Variants in TBC1D8B observed in about 807,000 individuals in gnomAD.
The protein encoded by TBC1D8B is RP11-321G1.1.
TBC1D8B carries 75 observed loss-of-function variants against 82.9 expected under a neutral mutation model. The observed-to-expected ratio is 0.90, with a 90% CI of 0.75 to 1.10. The LOEUF (loss-of-function observed/expected upper bound fraction) is 1.10, where lower values mean the gene tolerates loss of function less well. Among genes scored for constraint, TBC1D8B ranks in the 50% least tolerant of loss-of-function variants. The pLI, the probability that TBC1D8B is intolerant of heterozygous loss-of-function variation, is 0.00. For missense variants in TBC1D8B, 794 were observed against 796.9 expected (o/e 1.00, Z 0.04); for synonymous variants, 276 against 276.8 (o/e 1.00, Z 0.03).
chrX:106,804,183 C>G (rs1931118211), intron 1 of TBC1D8B, among the ~76,000 whole-genome samples: 1 of 111,594 alleles, frequency 9.0e-6, no homozygotes, highest in Non-Finnish European at 1.9e-5. Context: ...TGCTTTTTCT[C>G]TCTTGGAAAA....
intron 1 of TBC1D8B, among the ~76,000 whole-genome samples, chrX:106,805,072 C>CT (rs11432144): frequency 0.51 from 26,742 of 52,752 alleles, 6,847 homozygotes; most frequent in East Asian, 0.77. Flanking sequence ...TGCAAGTTTC[C>CT]TTTTTTTTTT....
At chrX:106,812,629 C>T (rs1931412054) in intron 1 of TBC1D8B, among the ~76,000 whole-genome samples, 1 of 110,768 alleles carries the variant, frequency 9.0e-6, no homozygotes, top group East Asian at 2.8e-4. Flanking sequence ...TAATGAGTAT[C>T]ATTTTCAAGC....
intron 7 of TBC1D8B, among the ~76,000 whole-genome samples, chrX:106,832,382 G>A (rs1305843417): frequency 9.0e-6 from 1 of 111,114 alleles, no homozygotes; most frequent in Non-Finnish European, 1.9e-5. Context: ...CTAATAAACT[G>A]CTTGGAAAAA....
chrX:106,822,502 G>A (rs777846343), intron 4 of TBC1D8B, among the ~76,000 whole-genome samples: 2 of 110,662 alleles, frequency 1.8e-5, no homozygotes, highest in African/African-American at 3.3e-5. Context: ...TTTAGTCTGT[G>A]TTTTAATCTA....
chrX:106,808,295 T>G (rs371100406), intron 1 of TBC1D8B, among the ~76,000 whole-genome samples: 1 of 111,602 alleles, frequency 9.0e-6, no homozygotes. Context: ...CACAGCATTT[T>G]TTATGTGGGT....
rs767334216 is a variant in TBC1D8B at position 106,840,989 on chromosome X, G to T, written c.1719+105G>T. On this transcript the variant is annotated intron_variant, in intron 10 of 20. Coordinates refer to ENST00000357242, the MANE Select transcript of TBC1D8B (RefSeq NM_017752.3). ...GGCGATTATAAGGAAAGAGATGGGG[G>T]TGAGATAGATAGAGCATAGTATTAA... 1.3e-4 allele frequency: 86 copies of T among 657,117 alleles called. No individual in the cohort carries two copies. The African/African-American group carries it at 1.7e-3, about 13-fold the overall frequency. 54.2% of individuals were successfully genotyped at this position (657,117 alleles called of 1,213,427 possible).
intron 4 of TBC1D8B, among the ~76,000 whole-genome samples, chrX:106,822,557 C>T (rs190851575): frequency 9.0e-6 from 1 of 110,800 alleles, no homozygotes; most frequent in African/African-American, 3.3e-5. Flanking sequence ...TACCTAATGG[C>T]CCACATCTCA....
chrX:106,803,423 G>A (rs1351249699), intron 1 of TBC1D8B, among the ~76,000 whole-genome samples: 1 of 85,554 alleles, frequency 1.2e-5, no homozygotes, highest in East Asian at 3.9e-4. Context: ...GATGGAGTGG[G>A]TACGCGGGGA....
intron 11 of TBC1D8B, 160 bp from the exon 12 acceptor site, chrX:106,849,865 A>G: frequency 9.5e-7 from 1 of 1,053,837 alleles, no homozygotes; most frequent in Non-Finnish European, 1.2e-6. Context: ...ACATGACACT[A>G]CTAGCAGTTA....
Position 106,802,902 on chromosome X carries a change from T to A in TBC1D8B, c.49T>A (p.Trp17Arg). ...GCTTCTGAAAAATGCGCTGAAGCTGTGGCTGATGGAAAGGTCCAACGACTA... is the reference window on the plus strand; with the variant it reads ...GCTTCTGAAAAATGCGCTGAAGCTGAGGCTGATGGAAAGGTCCAACGACTA... ...EVLLKNALKLWLMERSNDYFV... is the reference protein window; with the variant it reads ...EVLLKNALKLRLMERSNDYFV... Residue 17 changes from tryptophan (W) to arginine (R), a missense_variant, in exon 1 of 21, where the codon TGG (tryptophan) becomes AGG (arginine). Trp to Arg is a moderately radical substitution (Grantham distance 101). Coordinates refer to ENST00000357242, the MANE Select transcript of TBC1D8B (RefSeq NM_017752.3). 1 of 1,211,236 alleles carries A rather than the reference T, an allele frequency of 8.3e-7. No homozygotes were observed. Among genetic ancestry groups the A allele is most frequent in the Non-Finnish European group, 1.1e-6 (1 of 895,282 alleles).
rs1858774218 is a variant in TBC1D8B, at chrX:106,874,661, G to GA, written c.*703dup. 9.0e-6 allele frequency: 1 copy of GA among 111,041 alleles called. No individual in the cohort carries two copies. The highest frequency in any genetic ancestry group is 1.9e-5 in the Non-Finnish European group (1 of 52,949). The allele number at this position is 111,041 out of a possible 1,213,427, so 9.2% of individuals were successfully genotyped here. A position where few individuals can be genotyped will look rare whatever the true frequency, so the allele number is the denominator to read the frequency against. Reference sequence around the variant, plus strand: ...ACTCTAAATTCTGGGCTGATATAAAGAAAAAAACAATATTGGATTTGGATT... The same window carrying GA: ...ACTCTAAATTCTGGGCTGATATAAAGAAAAAAAACAATATTGGATTTGGATT... On this transcript the variant is annotated 3_prime_UTR_variant, in exon 21 of 21. Transcript: ENST00000357242.
rs187090786 is a variant in TBC1D8B at position 106,848,800 on chromosome X, C to T, written c.1837+497C>T. 5.2e-3 allele frequency among the ~76,000 whole-genome samples: 574 copies of T among 110,260 alleles called. 2 individuals carry two copies. Among genetic ancestry groups the T allele is most frequent in the African/African-American group, 0.018 (542 of 30,322 alleles). On this transcript the variant is annotated intron_variant, in intron 11 of 20. Transcript: ENST00000357242. The stretch of plus-strand genomic sequence containing the variant: ...TTTATTTTATTTTATTTTATTGAGA[C>T]GGAGTCTTGCTCTGTCGCCCAGGCT...
rs140391999 is a variant in TBC1D8B, at chrX:106,873,653, T to C, written c.3051T>C (p.Ala1017=). Residue 1017 remains alanine, a synonymous_variant, in exon 21 of 21, where the codon GCT becomes GCC. Coordinates refer to ENST00000357242, the MANE Select transcript of TBC1D8B (RefSeq NM_017752.3). ...AAGAATCATTATATCAAGCCATTGC[T>C]GTTGTAACCAGCCTTTTACTCAGGA... is the stretch of plus-strand genomic sequence containing the variant. The part of the protein sequence containing the change: ...PEEESLYQAI[A]VVTSLLLRME... 1.9e-3 allele frequency: 2,359 copies of C among 1,210,044 alleles called. 4 individuals are homozygous for C. The highest frequency in any genetic ancestry group is 2.6e-3 in the Admixed American group (120 of 45,800).
chrX:106,830,824 T>C (rs12862286), intron 7 of TBC1D8B, among the ~76,000 whole-genome samples: 2 of 101,505 alleles, frequency 2.0e-5, no homozygotes, highest in Non-Finnish European at 4.0e-5. Context: ...AGGGATAGCA[T>C]TGGGAGATAT....
rs189157919 is a variant in TBC1D8B, at chrX:106,842,158, G to A, written c.1719+1274G>A. On this transcript the variant is annotated intron_variant, in intron 10 of 20. Coordinates refer to ENST00000357242, the MANE Select transcript of TBC1D8B (RefSeq NM_017752.3). ...TTTTTTTTTTTGAAAAACTGTTTAA[G>A]TGAATGGAACATCTAAATGGCAAGG... Among the ~76,000 whole-genome samples the A allele has an allele frequency of 4.4e-4, 48 of 109,579 alleles. No individual in the cohort carries two copies. In the South Asian group the frequency reaches 5.1e-3, roughly 12 times the overall value.
intron 12 of TBC1D8B, 91 bp from the exon 13 acceptor site, chrX:106,853,430 C>T: frequency 2.1e-6 from 2 of 938,921 alleles, no homozygotes; most frequent in Non-Finnish European, 1.5e-6. Flanking sequence ...TGAAAGTAAC[C>T]TCTAACTAAC....
At chrX:106,806,358 G>T (rs1261067462) in intron 1 of TBC1D8B, among the ~76,000 whole-genome samples, 1 of 111,966 alleles carries the variant, frequency 8.9e-6, no homozygotes, top group Admixed American at 9.5e-5. Context: ...TCACCCTTCT[G>T]GATTTTACGG....
chrX:106,807,489 T>C (rs1931225984), intron 1 of TBC1D8B, among the ~76,000 whole-genome samples: 1 of 103,629 alleles, frequency 9.6e-6, no homozygotes, highest in Non-Finnish European at 2.0e-5. Context: ...AGTGGAAAGA[T>C]TATTGACTGC....
Position 106,827,320 on chromosome X carries a change from C to A in TBC1D8B, c.1186C>A (p.His396Asn), listed in dbSNP as rs1179444486. The A allele has an allele frequency of 8.3e-7, 1 of 1,210,464 alleles. No homozygotes were observed. The highest frequency in any genetic ancestry group is 1.8e-5 in the South Asian group (1 of 56,918). Residue 396 changes from histidine to asparagine, a missense_variant, in exon 7 of 21, where the codon CAT (histidine) becomes AAT (asparagine). Coordinates refer to ENST00000357242, the MANE Select transcript of TBC1D8B (RefSeq NM_017752.3). ...LRCGAASTQY[H>N]DISTELAISS... ...ATGCGGAGCAGCTTCAACTCAATAT[C>A]ATGATATTAGCACAGAGGTAATTAA...
Sources: allele counts gnomAD v4.1 joint callset (sites outside exome capture counted in the v4.1 genomes callset), GRCh38; gene constraint gnomAD v4.1.1; transcripts MANE v1.5; gene names NCBI Gene and HGNC (gene_info 2026-07-23, HGNC 2026-07-21).